RSPH14: variants seen among roughly 807,000 people sequenced by gnomAD.
RSPH14 encodes radial spoke head 14 homolog.
RSPH14 carries 20 observed loss-of-function variants against 26.7 expected under a neutral mutation model. The ratio of observed to expected loss-of-function variants is 0.75; its 90% CI spans 0.53 to 1.09. The LOEUF is 1.09. Among genes scored for constraint, RSPH14 ranks in the 50% least tolerant of loss-of-function variants. The probability of loss-of-function intolerance (pLI) is 0.00; values close to 1 mark genes in which losing one functional copy is unlikely to be tolerated. For missense variants in RSPH14, 449 were observed against 457.2 expected (o/e 0.98, Z 0.16); for synonymous variants, 177 against 189.3 (o/e 0.93, Z 0.53).
chr22:23,142,065 T>A (rs1569198863), upstream of RSPH14: 2 of 983,700 alleles, frequency 2.0e-6, no homozygotes, highest in Non-Finnish European at 2.4e-6. Flanking sequence ...GCGGTCGACA[T>A]AATCAGCACC....
chr22:23,084,884 T>C (rs1023303209), intron 4 of RSPH14, among the ~76,000 whole-genome samples: 1 of 152,216 alleles, frequency 6.6e-6, no homozygotes, highest in African/African-American at 2.4e-5. Flanking sequence ...TGCGGTTTTG[T>C]GGTCACCCTA....
chr22:23,135,381 A>G (rs1321673767), intron 3 of RSPH14, among the ~76,000 whole-genome samples: 2 of 150,604 alleles, frequency 1.3e-5, no homozygotes, highest in African/African-American at 4.9e-5. Flanking sequence ...AGTCCCAGCT[A>G]CTTTGGAGGC....
chr22:23,154,737 C>T, the RSPH14 span, among the ~76,000 whole-genome samples: 1 of 152,168 alleles, frequency 6.6e-6, no homozygotes, highest in African/African-American at 2.4e-5. Context: ...ACCACCAGCT[C>T]CTCCCCCAGA....
At chr22:23,106,246 G>C (rs940945586) in intron 4 of RSPH14, among the ~76,000 whole-genome samples, 5 of 152,224 alleles carry the variant, frequency 3.3e-5, no homozygotes. Flanking sequence ...GAGCAAAAAA[G>C]CAAAACAGAG....
intron 4 of RSPH14, among the ~76,000 whole-genome samples, chr22:23,126,060 G>C (rs1394609635): frequency 6.6e-6 from 1 of 152,196 alleles, no homozygotes; most frequent in Non-Finnish European, 1.5e-5. Context: ...ACCCAGAGGG[G>C]CTTTTGTTTC....
At chr22:23,134,639 T>C (rs1050654621) in intron 3 of RSPH14, among the ~76,000 whole-genome samples, 1 of 148,504 alleles carries the variant, frequency 6.7e-6, no homozygotes. Flanking sequence ...CCTAGGCGGA[T>C]AGATGACTTG....
intron 4 of RSPH14, among the ~76,000 whole-genome samples, chr22:23,117,006 C>T (rs534958546): frequency 1.3e-5 from 2 of 152,300 alleles, no homozygotes; most frequent in Admixed American, 6.5e-5. Flanking sequence ...AATATGCGCG[C>T]ACCTGCTGGG....
chr22:23,160,742 G>T, the RSPH14 span: 4 of 1,226,628 alleles, frequency 3.3e-6, no homozygotes, highest in African/African-American at 1.5e-5. Flanking sequence ...CCCTCCTGGG[G>T]TCATTGTTAC....
chr22:23,159,018 G>A, the RSPH14 span: 1 of 1,604,320 alleles, frequency 6.2e-7, no homozygotes, highest in African/African-American at 1.3e-5. Flanking sequence ...TGGCCCTTGG[G>A]AAAATGCCTC....
At position 23,096,094 on chromosome 22, in the gene RSPH14, C is replaced by T. The variant is rs143236450; in HGVS notation, c.422-31961G>A. ...TGGGTGTCATGCGACGGCTCTGGGC[C>T]GACCCAGGGGCACAGGCCTGCTTCA... On this transcript the variant is annotated intron_variant, in intron 4 of 6. Transcript: ENST00000216036. 2.2e-4 allele frequency: 362 copies of T among 1,610,012 alleles called. No homozygotes were observed. In the African/African-American group the frequency reaches 3.9e-3, roughly 17 times the overall value.
rs369889703 is a variant in RSPH14, at chr22:23,074,499, G to A, written c.422-10366C>T. Among the ~76,000 whole-genome samples, 41 of 152,292 alleles carry A rather than the reference G, an allele frequency of 2.7e-4. 2 individuals carry two copies. In the East Asian group the frequency reaches 5.4e-3, roughly 20 times the overall value. On this transcript the variant is annotated intron_variant, in intron 4 of 6. Transcript: ENST00000216036. Reference sequence around the variant, plus strand: ...AATTAGGAGGTGGGTCTGAGACCTGGAGAGCCATTGATGGGCACATGTGGC... The same window carrying A: ...AATTAGGAGGTGGGTCTGAGACCTGAAGAGCCATTGATGGGCACATGTGGC...
intron 4 of RSPH14, among the ~76,000 whole-genome samples, chr22:23,100,504 G>T (rs73878646): frequency 0.012 from 1,788 of 152,334 alleles, 43 homozygotes; most frequent in African/African-American, 0.04. Flanking sequence ...TTCTGCAGGT[G>T]GCAAGTGCTT....
rs1322774977 is a variant in RSPH14, at chr22:23,136,895, C to G, written c.302+1945G>C. 2.9e-5 allele frequency among the ~76,000 whole-genome samples: 4 copies of G among 138,466 alleles called. 1 individual carries two copies. The highest frequency in any genetic ancestry group is 1.0e-4 in the African/African-American group (4 of 38,918). 90.8% of individuals were successfully genotyped at this position (138,466 alleles called of 152,430 possible). A position where few individuals can be genotyped will look rare whatever the true frequency, so the allele number is the denominator to read the frequency against. ...GTCATCTAAGATCTGCAGAGTGAGG[C>G]TGGGATTAGGATTGTTGCCCAGATC... On this transcript the variant is annotated intron_variant, in intron 3 of 6. Coordinates refer to ENST00000216036, the MANE Select transcript of RSPH14 (RefSeq NM_014433.3).
chr22:23,083,053 T>G (rs2068724343), intron 4 of RSPH14, among the ~76,000 whole-genome samples: 1 of 147,148 alleles, frequency 6.8e-6, no homozygotes, highest in South Asian at 2.2e-4. Context: ...GTTGGGAGAG[T>G]GAAGGAGGAG....
At chr22:23,146,747 T>C (rs1363681847), upstream of RSPH14, 2 of 1,587,416 alleles carry the variant, frequency 1.3e-6, no homozygotes, top group African/African-American at 2.7e-5. Flanking sequence ...CTCTCCCCAC[T>C]CTACACTCAT....
chr22:23,130,594 G>A (rs1255440498), intron 4 of RSPH14, among the ~76,000 whole-genome samples: 1 of 152,208 alleles, frequency 6.6e-6, no homozygotes, highest in Admixed American at 6.5e-5. Context: ...GGCACAGTGA[G>A]AAGCCAAGAA....
intron 4 of RSPH14, among the ~76,000 whole-genome samples, chr22:23,108,301 A>G (rs377349280): frequency 2.0e-5 from 3 of 152,250 alleles, no homozygotes; most frequent in Non-Finnish European, 4.4e-5. Flanking sequence ...GCCATGGGCA[A>G]TGAGAACAGG....
At chr22:23,163,059 G>A in the RSPH14 span, 12 of 268,846 alleles carry the variant, frequency 4.5e-5, no homozygotes, top group Non-Finnish European at 8.8e-5. Context: ...TTACAGGCAT[G>A]CACCACCATG....
At chr22:23,100,728 G>A (rs913890143) in intron 4 of RSPH14, among the ~76,000 whole-genome samples, 28 of 152,334 alleles carry the variant, frequency 1.8e-4, no homozygotes, top group African/African-American at 2.9e-4. Context: ...TTTGTGGAGC[G>A]GGCGGGAGGC....
Sources: allele counts gnomAD v4.1 joint callset (sites outside exome capture counted in the v4.1 genomes callset), GRCh38; gene constraint gnomAD v4.1.1; transcripts MANE v1.5; gene names NCBI Gene and HGNC (gene_info 2026-07-23, HGNC 2026-07-21).